Variants in GLIS3 observed in about 807,000 individuals in gnomAD.
GLIS3 encodes the protein GLIS family zinc finger 3.
In GLIS3, 53 loss-of-function variants were observed where a neutral mutation model predicts 78.6. That is an observed-to-expected ratio of 0.67 (90% CI 0.54 to 0.85). The LOEUF (loss-of-function observed/expected upper bound fraction) is 0.85. Ranked by LOEUF, GLIS3 falls within the 40% of genes least tolerant of loss-of-function variation. The pLI is 0.00. For missense variants in GLIS3, 1,703 were observed against 1,231.1 expected (o/e 1.38, Z -5.74); for synonymous variants, 684 against 509.9 (o/e 1.34, Z -4.60).
intron 2 of GLIS3, among the ~76,000 whole-genome samples, chr9:4,180,202 G>T (rs1586895858): frequency 6.6e-6 from 1 of 152,122 alleles, no homozygotes; most frequent in South Asian, 2.1e-4. Context: ...AGAGGAGATG[G>T]GGACTGGAGA....
At chr9:4,042,368 G>C (rs1293830819) in intron 4 of GLIS3, among the ~76,000 whole-genome samples, 1 of 152,182 alleles carries the variant, frequency 6.6e-6, no homozygotes, top group Non-Finnish European at 1.5e-5. Flanking sequence ...CTAAACCTAA[G>C]CTATCTTCAT....
At chr9:4,447,009 G>T in the GLIS3 span, among the ~76,000 whole-genome samples, 1 of 151,890 alleles carries the variant, frequency 6.6e-6, no homozygotes, top group African/African-American at 2.4e-5. Flanking sequence ...TGCTCATGAT[G>T]TACCCTATGC....
chr9:4,361,891 TG>T, the GLIS3 span, among the ~76,000 whole-genome samples: 1 of 152,192 alleles, frequency 6.6e-6, no homozygotes, highest in Non-Finnish European at 1.5e-5. Flanking sequence ...AATTGAAGTT[TG>T]TATGTTGTTT....
chr9:3,986,311 G>A (rs1819737860), intron 4 of GLIS3, among the ~76,000 whole-genome samples: 1 of 152,174 alleles, frequency 6.6e-6, no homozygotes, highest in Non-Finnish European at 1.5e-5. Context: ...TACAACTGTA[G>A]ATAATTTTGC....
rs767155636 is a variant in GLIS3 at position 3,829,453 on chromosome 9, T to C, written c.2513A>G (p.Tyr838Cys). Residue 838 changes from tyrosine to cysteine, a missense_variant, in exon 10 of 11, where the codon TAC becomes TGC. Coordinates refer to ENST00000381971, the MANE Select transcript of GLIS3 (RefSeq NM_001042413.2). ...GQLQKFCPPH[Y>C]PDSQRIVPPV... is the part of the protein sequence containing the mutation. ...CGGCACAATTCTCTGGGAATCGGGG[T>C]AGTGTGGGGGACAGAACTTCTGCAG... 14 of 1,613,792 alleles carry C rather than the reference T, an allele frequency of 8.7e-6. No homozygotes were observed. The highest frequency in any genetic ancestry group is 1.1e-5 in the South Asian group (1 of 91,058).
intron 7 of GLIS3, among the ~76,000 whole-genome samples, chr9:3,884,124 A>T (rs1241170018): frequency 4.6e-5 from 7 of 152,238 alleles, no homozygotes; most frequent in Non-Finnish European, 1.0e-4. Flanking sequence ...CCTTTAGCTC[A>T]GGTTAATTTG....
At chr9:4,103,404 G>A (rs964826344) in intron 4 of GLIS3, among the ~76,000 whole-genome samples, 1 of 152,004 alleles carries the variant, frequency 6.6e-6, no homozygotes, top group Non-Finnish European at 1.5e-5. Context: ...GGCACTCTAA[G>A]GAGAAGCCCG....
intron 4 of GLIS3, among the ~76,000 whole-genome samples, chr9:4,103,603 C>T (rs1273964644): frequency 6.6e-6 from 1 of 152,146 alleles, no homozygotes; most frequent in Admixed American, 6.5e-5. Flanking sequence ...TCTGTCATCC[C>T]CATGTCACCC....
intron 8 of GLIS3, among the ~76,000 whole-genome samples, chr9:3,857,155 CTG>C (rs1459675072): frequency 6.6e-6 from 1 of 152,170 alleles, no homozygotes; most frequent in East Asian, 1.9e-4. Flanking sequence ...AGCAGGAAGT[CTG>C]TCAATGCAGT....
rs1363343146 is a variant in GLIS3, at chr9:4,132,906, GT to G, written c.389-6966del. ...TATCAGGAAGGTCCTTAAGGTCTCTGTGCCTCAGCGTACTGTTCTAAAATGG... is the reference window on the plus strand; with the variant it reads ...TATCAGGAAGGTCCTTAAGGTCTCTGGCCTCAGCGTACTGTTCTAAAATGG... On this transcript the variant is annotated intron_variant, in intron 2 of 10. Transcript: ENST00000381971. Among the ~76,000 whole-genome samples, 8 of 152,300 alleles carry G rather than the reference GT, an allele frequency of 5.3e-5. No homozygotes were observed. The South Asian group carries it at 1.5e-3, about 28-fold the overall frequency.
chr9:3,931,479 C>T (rs1318056000), intron 6 of GLIS3, among the ~76,000 whole-genome samples: 1 of 152,096 alleles, frequency 6.6e-6, no homozygotes. Context: ...AAAGGGCCCT[C>T]AAATGAATCA....
At chr9:3,997,220 C>G (rs1383963242) in intron 4 of GLIS3, among the ~76,000 whole-genome samples, 1 of 152,086 alleles carries the variant, frequency 6.6e-6, no homozygotes, top group African/African-American at 2.4e-5. Flanking sequence ...GTGGTGCATG[C>G]CTGTAATCCC....
the GLIS3 span, among the ~76,000 whole-genome samples, chr9:4,393,746 T>C: frequency 6.6e-6 from 1 of 152,232 alleles, no homozygotes; most frequent in Admixed American, 6.5e-5. Context: ...GCTGTCCTTC[T>C]GCGTACATCA....
chr9:4,093,167 T>G lies in GLIS3; in HGVS notation c.1710+24601A>C, dbSNP rs1290030324. 3.9e-5 allele frequency among the ~76,000 whole-genome samples: 6 copies of G among 152,208 alleles called. No homozygotes were observed. In the South Asian group the frequency reaches 1.2e-3, roughly 32 times the overall value. On this transcript the variant is annotated intron_variant, in intron 4 of 10. Transcript: ENST00000381971. ...GGTACTAAGTGGAAAAGTAACATGC[T>G]GGCCTCACAGCCTGTAAGTGGCAGA...
At position 3,826,342 on chromosome 9, in the gene GLIS3, A is replaced by G. The variant is rs1345277971; in HGVS notation, c.*1930T>C. 1 of 152,208 alleles carries G rather than the reference A, an allele frequency of 6.6e-6. No homozygotes were observed. Among genetic ancestry groups the G allele is most frequent in the African/African-American group, 2.4e-5 (1 of 41,458 alleles). 9.4% of individuals were successfully genotyped at this position (152,208 alleles called of 1,614,324 possible). A position where few individuals can be genotyped will look rare whatever the true frequency, so the allele number is the denominator to read the frequency against. On this transcript the variant is annotated 3_prime_UTR_variant, in exon 11 of 11. Coordinates refer to ENST00000381971, the MANE Select transcript of GLIS3 (RefSeq NM_001042413.2). ...TACTAGCTGTGAGCATGCATATGTT[A>G]GGCCACTTGTTTAGGCCAAGTGACA...
At chr9:4,303,908 A>G (rs757500391), upstream of GLIS3, among the ~76,000 whole-genome samples, 1 of 152,258 alleles carries the variant, frequency 6.6e-6, no homozygotes, top group South Asian at 2.1e-4. Context: ...TAACATCTAT[A>G]CTGGCCAACT....
intron 4 of GLIS3, among the ~76,000 whole-genome samples, chr9:3,971,119 G>A (rs868238687): frequency 1.3e-5 from 2 of 150,418 alleles, no homozygotes; most frequent in East Asian, 3.9e-4. Context: ...AGGAAGGATC[G>A]AAGGAAGGAA....
chr9:4,073,171 T>C (rs1827758175), intron 4 of GLIS3, among the ~76,000 whole-genome samples: 1 of 152,118 alleles, frequency 6.6e-6, no homozygotes, highest in South Asian at 2.1e-4. Flanking sequence ...AACTGAAATG[T>C]ATAGTAGAGA....
intron 1 of GLIS3, among the ~76,000 whole-genome samples, chr9:4,297,969 G>T (rs1415063206): frequency 6.6e-6 from 1 of 152,158 alleles, no homozygotes; most frequent in Non-Finnish European, 1.5e-5. Flanking sequence ...AGGCGACAGC[G>T]CCCGGCGGGG....
Sources: allele counts gnomAD v4.1 joint callset (sites outside exome capture counted in the v4.1 genomes callset), GRCh38; gene constraint gnomAD v4.1.1; transcripts MANE v1.5; gene names NCBI Gene and HGNC (gene_info 2026-07-23, HGNC 2026-07-21).